TPR: variants seen among roughly 807,000 people sequenced by gnomAD.
TPR encodes the protein nucleoprotein TPR.
TPR carries 51 observed loss-of-function variants against 316.1 expected under a neutral mutation model. That is an observed-to-expected ratio of 0.16 (90% CI 0.13 to 0.20). The LOEUF (loss-of-function observed/expected upper bound fraction) is 0.20, where lower values mean the gene tolerates loss of function less well. Ranked by LOEUF, TPR falls within the 10% of genes least tolerant of loss-of-function variation. TPR has a pLI of 1.00. For missense variants in TPR, 2,272 were observed against 2,754.8 expected (o/e 0.82, Z 3.92); for synonymous variants, 981 against 914.7 (o/e 1.07, Z -1.31).
At chr1:186,366,033 T>A (rs1286282518) in intron 4 of TPR, among the ~76,000 whole-genome samples, 1 of 152,258 alleles carries the variant, frequency 6.6e-6, no homozygotes, top group Non-Finnish European at 1.5e-5. Flanking sequence ...AGACTGCTTT[T>A]GATTTCTTTT....
Position 186,375,070 on chromosome 1 carries a change from T to A in TPR, c.-42A>T, listed in dbSNP as rs1162091528. On this transcript the variant is annotated 5_prime_UTR_variant, in exon 1 of 51. Transcript: ENST00000367478. Reference sequence around the variant, plus strand: ...ACCCCAGTGGCAGCGGCCGACGGGGTAGAAGCGGAGAAGAAAGGCGAAGAC... The same window carrying A: ...ACCCCAGTGGCAGCGGCCGACGGGGAAGAAGCGGAGAAGAAAGGCGAAGAC... 1 of 1,612,194 alleles carries A rather than the reference T, an allele frequency of 6.2e-7. No individual in the cohort carries two copies.
At chr1:186,330,888 G>T (rs1658143029) in intron 39 of TPR, among the ~76,000 whole-genome samples, 1 of 152,010 alleles carries the variant, frequency 6.6e-6, no homozygotes, top group African/African-American at 2.4e-5. Context: ...TACTACTTTA[G>T]GTATTTTACA....
chr1:186,333,168 A>T lies in TPR; in HGVS notation c.5409T>A (p.Ser1803Arg), dbSNP rs1658225702. ...AAGTAGAAGGCCGCTCAACTGGTGA[A>T]CTCTGAACAACCTCTACTATGTTTG... ...LSSNIVEVVQ[S>R]SPVERPSTST... The change falls in exon 37 of 51, where the codon AGT becomes AGA. Residue 1803 changes from serine to arginine, a missense_variant. Ser to Arg is a moderately radical substitution (Grantham distance 110). This residue lies in a region of TPR where 435 missense variants were observed against 461.1 expected (regional missense o/e 0.94). Transcript: ENST00000367478. The T allele has an allele frequency of 6.2e-7, 1 of 1,613,254 alleles. No individual in the cohort carries two copies.
In TPR at chr1:186,326,126, C is replaced by A; in HGVS notation, c.5999G>T (p.Gly2000Val). 1 of 1,613,624 alleles carries A rather than the reference C, an allele frequency of 6.2e-7. No homozygotes were observed. Among genetic ancestry groups the A allele is most frequent in the Non-Finnish European group, 8.5e-7 (1 of 1,179,658 alleles). Residue 2000 changes from glycine to valine, a missense_variant, in exon 41 of 51, where the codon GGT becomes GTT. By Grantham distance (109) the Gly-to-Val change is moderately radical (BLOSUM62 -3). Around this residue, in one of 10 missense-constraint regions of TPR, gnomAD observed 435 missense variants for 461.1 expected, o/e 0.94. Coordinates refer to ENST00000367478, the MANE Select transcript of TPR (RefSeq NM_003292.3). ...EGTGSADGND[G>V]YEADDAEGGD... The stretch of plus-strand genomic sequence containing the variant: ...TACCTCAGCATCATCAGCTTCATAA[C>A]CATCATTGCCATCGGCACTACCAGT...
chr1:186,347,472 C>G lies in TPR; in HGVS notation c.2777-14G>C, dbSNP rs766720865. The stretch of plus-strand genomic sequence containing the variant: ...TGCTAGGCTGACCTAAAAGACATAA[C>G]AGCTCTGTTAAAATTAACATTTTCA... On this transcript the variant is annotated splice_polypyrimidine_tract_variant and intron_variant, in intron 21 of 50. Coordinates refer to ENST00000367478, the MANE Select transcript of TPR (RefSeq NM_003292.3). 3.7e-6 allele frequency: 6 copies of G among 1,610,526 alleles called. No homozygotes were observed. In the African/African-American group the frequency reaches 6.7e-5, roughly 18 times the overall value.
Position 186,353,853 on chromosome 1 carries a change from G to A in TPR, c.2172-3C>T. The A allele has an allele frequency of 1.2e-6, 2 of 1,609,080 alleles. No individual in the cohort carries two copies. Among genetic ancestry groups the A allele is most frequent in the East Asian group, 2.2e-5 (1 of 44,792 alleles). ...CATTATCTTGCAGCATTTCATAACTGGTATGAAAAAAGTAATTCTACAAGT... is the reference window on the plus strand; with the variant it reads ...CATTATCTTGCAGCATTTCATAACTAGTATGAAAAAAGTAATTCTACAAGT... On this transcript the variant is annotated splice_region_variant and splice_polypyrimidine_tract_variant and intron_variant, in intron 17 of 50. Transcript: ENST00000367478.
chr1:186,312,742 A>G lies in TPR; in HGVS notation c.*1229T>C, dbSNP rs776117124. ...ATAGTACATTGCCTTTTAATCTGGT[A>G]TCTTTTATTAAACATGCCACTTACA... On this transcript the variant is annotated 3_prime_UTR_variant, in exon 51 of 51. Coordinates refer to ENST00000367478, the MANE Select transcript of TPR (RefSeq NM_003292.3). The G allele has an allele frequency of 1.9e-6, 3 of 1,609,112 alleles. No homozygotes were observed. Among genetic ancestry groups the G allele is most frequent in the East Asian group, 2.2e-5 (1 of 44,834 alleles).
In TPR at chr1:186,312,647, T is replaced by C; in HGVS notation, c.*1324A>G. On this transcript the variant is annotated 3_prime_UTR_variant, in exon 51 of 51. Coordinates refer to ENST00000367478, the MANE Select transcript of TPR (RefSeq NM_003292.3). ...ACCAAGAACATTATATACCAGTCTA[T>C]AACCCTCAATAGTTCTACATCAGAG... 1.8e-6 allele frequency: 2 copies of C among 1,082,304 alleles called. No individual in the cohort carries two copies. The highest frequency in any genetic ancestry group is 2.8e-6 in the Non-Finnish European group (2 of 711,172). The allele number at this position is 1,082,304 out of a possible 1,614,324, so 67.0% of individuals were successfully genotyped here.
At chr1:186,319,172 CAG>C (rs1177515523) in intron 46 of TPR, among the ~76,000 whole-genome samples, 2 of 151,960 alleles carry the variant, frequency 1.3e-5, no homozygotes, top group African/African-American at 4.8e-5. Flanking sequence ...TTTGTAGAGA[CAG>C]GGGTCAGTCT....
At chr1:186,325,313 T>G (rs1040084318) in intron 42 of TPR, among the ~76,000 whole-genome samples, 7 of 152,178 alleles carry the variant, frequency 4.6e-5, no homozygotes, top group African/African-American at 1.7e-4. Flanking sequence ...CCAGGACTTA[T>G]CCAAGATTTA....
chr1:186,324,771 T>C (rs953410043), intron 42 of TPR, among the ~76,000 whole-genome samples: 1 of 150,354 alleles, frequency 6.7e-6, no homozygotes, highest in Admixed American at 6.6e-5. Context: ...TATTTTTGCT[T>C]GGTTGCAAAA....
At chr1:186,318,319 C>T (rs1657668976) in intron 48 of TPR, 128 bp downstream of exon 48, 50 of 1,243,604 alleles carry the variant, frequency 4.0e-5, no homozygotes, top group Non-Finnish European at 5.3e-5. Context: ...CAGAGCGAGA[C>T]TCTGTCTCAA....
chr1:186,336,657 T>C lies in TPR; in HGVS notation c.4544A>G (p.Gln1515Arg). ...AGACTGAAGTTGCACAGTCTGTTCCTGGAGATTTCTTGCTTCTGTCTCTTT... is the reference window on the plus strand; with the variant it reads ...AGACTGAAGTTGCACAGTCTGTTCCCGGAGATTTCTTGCTTCTGTCTCTTT... ...SEKETEARNL[Q>R]EQTVQLQSEL... is the part of the protein sequence containing the mutation. Residue 1515 changes from glutamine (Q) to arginine (R), a missense_variant, in exon 33 of 51, where the codon CAG becomes CGG. By Grantham distance (43) the Gln-to-Arg change is conservative. Transcript: ENST00000367478. 1.2e-6 allele frequency: 2 copies of C among 1,613,746 alleles called. No homozygotes were observed. The highest frequency in any genetic ancestry group is 1.7e-6 in the Non-Finnish European group (2 of 1,179,836).
intron 13 of TPR, among the ~76,000 whole-genome samples, chr1:186,358,226 C>A (rs1222274385): frequency 6.6e-6 from 1 of 152,122 alleles, no homozygotes; most frequent in East Asian, 1.9e-4. Context: ...AAAAAATACA[C>A]AACTGTCTGT....
intron 4 of TPR, among the ~76,000 whole-genome samples, chr1:186,364,764 C>T (rs1659286945): frequency 6.6e-6 from 1 of 152,116 alleles, no homozygotes; most frequent in Non-Finnish European, 1.5e-5. Flanking sequence ...ATGCCTGCAC[C>T]AGGTTTTTAA....
At chr1:186,346,682 C>G (rs1422193196) in intron 22 of TPR, among the ~76,000 whole-genome samples, 1 of 152,118 alleles carries the variant, frequency 6.6e-6, no homozygotes, top group Admixed American at 6.5e-5. Flanking sequence ...ATTGCTACAG[C>G]CTTCAAAATG....
chr1:186,331,713 T>A (rs549593953), intron 38 of TPR, 132 bp from the exon 39 acceptor site: 33 of 480,110 alleles, frequency 6.9e-5, no homozygotes, highest in African/African-American at 1.4e-4. Flanking sequence ...AATAAAAAAA[T>A]TTTATTTAAA....
chr1:186,358,379 G>T (rs1659087822), intron 13 of TPR, among the ~76,000 whole-genome samples, 164 bp downstream of exon 13: 3 of 151,942 alleles, frequency 2.0e-5, no homozygotes, highest in South Asian at 4.2e-4. Context: ...AAAAGGGAGG[G>T]GCTATGAAAA....
At chr1:186,363,295 T>A (rs1211183730) in intron 5 of TPR, 47 bp downstream of exon 5, 1 of 1,438,286 alleles carries the variant, frequency 7.0e-7, no homozygotes, top group Admixed American at 2.0e-5. Flanking sequence ...TAGGTGAGTT[T>A]TAATAAAAAG....
Sources: allele counts gnomAD v4.1 joint callset (sites outside exome capture counted in the v4.1 genomes callset), GRCh38; gene constraint gnomAD v4.1.1; regional missense constraint gnomAD v4.1.1; transcripts MANE v1.5; gene names NCBI Gene and HGNC (gene_info 2026-07-23, HGNC 2026-07-21).